Variants in L3MBTL4 observed in about 807,000 individuals in gnomAD.
L3MBTL4 encodes the protein lethal(3)malignant brain tumor-like protein 4.
Under a neutral mutation model 84.5 loss-of-function variants are expected in L3MBTL4, and 70 were observed. The ratio of observed to expected loss-of-function variants is 0.83; its 90% CI spans 0.68 to 1.01. L3MBTL4 has a LOEUF of 1.01. Ranked by LOEUF, L3MBTL4 falls within the 50% of genes least tolerant of loss-of-function variation. L3MBTL4 has a pLI of 0.00. For synonymous variants in L3MBTL4, 274 were observed against 259.8 expected (o/e 1.05, Z -0.52); for missense variants, 715 against 754.8 (o/e 0.95, Z 0.62).
chr18:6,063,048 A>C (rs938425556), intron 16 of L3MBTL4, among the ~76,000 whole-genome samples: 1 of 151,844 alleles, frequency 6.6e-6, no homozygotes, highest in Non-Finnish European at 1.5e-5. Flanking sequence ...TTGCATCCTC[A>C]TAGCTTAGCT....
Position 6,099,554 on chromosome 18 carries a change from T to G in L3MBTL4, c.1200-6026A>C, listed in dbSNP as rs1197480538. The stretch of plus-strand genomic sequence containing the variant: ...CACAGACATAGGCAAAACCTAAATT[T>G]TTATATATCTATAGATAGATAGATA... On this transcript the variant is annotated intron_variant, in intron 14 of 18. Coordinates refer to ENST00000317931, the MANE Select transcript of L3MBTL4 (RefSeq NM_001330559.2). 1.1e-4 allele frequency among the ~76,000 whole-genome samples: 10 copies of G among 91,920 alleles called. 1 individual carries two copies. The South Asian group carries it at 3.8e-3, about 35-fold the overall frequency. 60.3% of individuals were successfully genotyped at this position (91,920 alleles called of 152,430 possible). A position where few individuals can be genotyped will look rare whatever the true frequency, so the allele number is the denominator to read the frequency against.
At chr18:6,318,494 TAAAAAAAAAAAAAAA>T (rs71370550) in intron 1 of L3MBTL4, among the ~76,000 whole-genome samples, 1 of 14,198 alleles carries the variant, frequency 7.0e-5, no homozygotes, top group Non-Finnish European at 1.3e-4. Context: ...ACAACAATAG[TAAAAAAAAAAAAAAA>T]AAAAAAAAAA....
intron 16 of L3MBTL4, among the ~76,000 whole-genome samples, chr18:6,018,163 G>A (rs1212105622): frequency 2.6e-5 from 4 of 152,216 alleles, no homozygotes; most frequent in African/African-American, 9.6e-5. Context: ...ATGGAGATGT[G>A]CAAGTGATTG....
At chr18:6,030,872 A>T in intron 16 of L3MBTL4, 2 of 985,202 alleles carry the variant, frequency 2.0e-6, no homozygotes, top group South Asian at 9.4e-5. Flanking sequence ...GCACTGTAGG[A>T]TATAAACAAC....
At chr18:6,149,207 C>A (rs1211242711) in intron 13 of L3MBTL4, among the ~76,000 whole-genome samples, 2 of 115,176 alleles carry the variant, frequency 1.7e-5, no homozygotes, top group Non-Finnish European at 3.4e-5. Flanking sequence ...CCTCCCCCCA[C>A]CCCACAACAG....
intron 1 of L3MBTL4, among the ~76,000 whole-genome samples, chr18:6,350,554 A>G (rs1200243261): frequency 1.2e-5 from 1 of 80,652 alleles, no homozygotes; most frequent in Middle Eastern, 6.4e-3. Context: ...TATAAAAAAG[A>G]AAAAAAAAAA....
At position 6,299,960 on chromosome 18, in the gene L3MBTL4, C is replaced by A. The variant is rs552951151; in HGVS notation, c.127+1943G>T. On this transcript the variant is annotated intron_variant, in intron 4 of 18. Transcript: ENST00000317931. ...GTGCTAGCATTACGGGCATGAGCCA[C>A]CACGCCTGACCTATTTTTCAATACA... Among the ~76,000 whole-genome samples the A allele has an allele frequency of 5.9e-5, 9 of 152,320 alleles. No homozygotes were observed. In the South Asian group the frequency reaches 1.9e-3, roughly 32 times the overall value.
chr18:6,363,164 T>C (rs2053784526), intron 1 of L3MBTL4, among the ~76,000 whole-genome samples: 1 of 152,136 alleles, frequency 6.6e-6, no homozygotes. Context: ...CAAAAAACGG[T>C]CAAGTCTCCG....
intron 10 of L3MBTL4, among the ~76,000 whole-genome samples, chr18:6,218,311 T>A (rs542437370): frequency 7.9e-5 from 12 of 152,344 alleles, no homozygotes; most frequent in Non-Finnish European, 1.5e-4. Context: ...TGATACTTTT[T>A]AAAATCATCC....
intron 5 of L3MBTL4, among the ~76,000 whole-genome samples, chr18:6,245,338 T>C (rs2047615479): frequency 6.6e-6 from 1 of 152,164 alleles, no homozygotes; most frequent in Non-Finnish European, 1.5e-5. Flanking sequence ...CTCCATGAAG[T>C]TGTGTGTCCT....
Position 6,034,141 on chromosome 18 carries a change from C to T in L3MBTL4, c.1444+46740G>A, listed in dbSNP as rs909846436. Among the ~76,000 whole-genome samples the T allele has an allele frequency of 7.3e-5, 11 of 151,704 alleles. No homozygotes were observed. The East Asian group carries it at 7.7e-4, about 11-fold the overall frequency. On this transcript the variant is annotated intron_variant, in intron 16 of 18. Transcript: ENST00000317931. ...TAAGGGAATGTCTTAATTTCTCCCT[C>T]GCTTTTTTTTTTAATTATTATTATA...
chr18:6,075,531 T>C (rs190832712), intron 16 of L3MBTL4, among the ~76,000 whole-genome samples: 15 of 152,258 alleles, frequency 9.9e-5, no homozygotes, highest in Admixed American at 3.3e-4. Context: ...AAATCACTTA[T>C]AGGTACACTG....
At chr18:6,136,918 T>C (rs567516430) in intron 14 of L3MBTL4, among the ~76,000 whole-genome samples, 1 of 152,220 alleles carries the variant, frequency 6.6e-6, no homozygotes, top group Non-Finnish European at 1.5e-5. Context: ...TGCCAATGTA[T>C]AAAAACCCCA....
intron 1 of L3MBTL4, among the ~76,000 whole-genome samples, chr18:6,393,169 T>C (rs2055129199): frequency 6.6e-6 from 1 of 152,204 alleles, no homozygotes; most frequent in Non-Finnish European, 1.5e-5. Context: ...GGGCCAAATG[T>C]AATCACACAT....
intron 5 of L3MBTL4, among the ~76,000 whole-genome samples, chr18:6,251,557 C>A (rs1449496195): frequency 6.6e-6 from 1 of 152,108 alleles, no homozygotes; most frequent in East Asian, 1.9e-4. Context: ...AGATGATATG[C>A]CCAAGGCCAC....
chr18:6,189,870 A>G (rs1397666483), intron 12 of L3MBTL4, among the ~76,000 whole-genome samples: 1 of 152,202 alleles, frequency 6.6e-6, no homozygotes, highest in East Asian at 1.9e-4. Context: ...AGAAGAGTTC[A>G]TGAGAGACGT....
intron 4 of L3MBTL4, among the ~76,000 whole-genome samples, chr18:6,270,982 A>G (rs11873568): frequency 1.3e-5 from 2 of 152,134 alleles, no homozygotes; most frequent in African/African-American, 4.8e-5. Context: ...CAAACAAGTG[A>G]CAGTGTGGGT....
chr18:6,050,301 G>A (rs1377288329), intron 16 of L3MBTL4, among the ~76,000 whole-genome samples: 1 of 152,126 alleles, frequency 6.6e-6, no homozygotes, highest in African/African-American at 2.4e-5. Context: ...TCTCCCACAC[G>A]ATGTCAGGGA....
rs144288686 is a variant in L3MBTL4, at chr18:6,228,120, A to G, written c.784+9844T>C. 2.9e-3 allele frequency among the ~76,000 whole-genome samples: 440 copies of G among 152,338 alleles called. 2 individuals are homozygous for G. Among genetic ancestry groups the G allele is most frequent in the African/African-American group, 0.01 (419 of 41,580 alleles). ...ACAAAGTCCAAACGTAGACCTAGAC[A>G]TACATTGTCAATTAATTTTCCATAA... On this transcript the variant is annotated intron_variant, in intron 10 of 18. Transcript: ENST00000317931.
Sources: gnomAD v4.1 joint callset for allele counts (sites outside exome capture counted in the v4.1 genomes callset) on GRCh38, gnomAD v4.1.1 for gene constraint, MANE v1.5 for transcripts, NCBI Gene and HGNC (gene_info 2026-07-23, HGNC 2026-07-21) for gene names.